DPYS: variants seen among roughly 807,000 people sequenced by gnomAD.
The protein encoded by DPYS is dihydropyrimidine amidohydrolase.
In DPYS, 39 loss-of-function variants were observed where a neutral mutation model predicts 50.3. The observed-to-expected ratio is 0.78, with a 90% CI of 0.60 to 1.01. The LOEUF is 1.01. Among genes scored for constraint, DPYS ranks in the 50% least tolerant of loss-of-function variants. The pLI is 0.00. For missense variants in DPYS, 659 were observed against 680.9 expected (o/e 0.97, Z 0.36); for synonymous variants, 245 against 250.7 (o/e 0.98, Z 0.22).
rs573126640 is a variant in DPYS at position 104,430,657 on chromosome 8, T to C, written c.794-956A>G. 2.6e-5 allele frequency among the ~76,000 whole-genome samples: 4 copies of C among 152,316 alleles called. No individual in the cohort carries two copies. In the South Asian group the frequency reaches 8.3e-4, roughly 32 times the overall value. ...AGATGGCCGCCAGTTGCCTGAGTCA[T>C]ATCAAATTGGAACACAGCACCCTAT... On this transcript the variant is annotated intron_variant, in intron 4 of 9. Transcript: ENST00000351513.
chr8:104,414,177 G>T (rs1812288774), intron 7 of DPYS, among the ~76,000 whole-genome samples: 2 of 152,140 alleles, frequency 1.3e-5, no homozygotes. Context: ...AGAAAGAAAA[G>T]GACTGTTTGG....
At chr8:104,383,453 G>C (rs938672229) in intron 8 of DPYS, among the ~76,000 whole-genome samples, 2 of 152,082 alleles carry the variant, frequency 1.3e-5, no homozygotes, top group African/African-American at 4.8e-5. Flanking sequence ...AATAGATATG[G>C]GTAGAAGGGA....
At chr8:104,396,116 A>C (rs959856781) in intron 7 of DPYS, among the ~76,000 whole-genome samples, 12 of 152,328 alleles carry the variant, frequency 7.9e-5, no homozygotes, top group African/African-American at 2.9e-4. Context: ...AACAATAGAG[A>C]GGGGCTTCAA....
Position 104,429,708 on chromosome 8 carries a change from A to G in DPYS, c.794-7T>C, listed in dbSNP as rs775585172. The G allele has an allele frequency of 1.9e-6, 3 of 1,614,116 alleles. No homozygotes were observed. Among genetic ancestry groups the G allele is most frequent in the Non-Finnish European group, 2.5e-6 (3 of 1,180,002 alleles). On this transcript the variant is annotated splice_region_variant and splice_polypyrimidine_tract_variant and intron_variant, in intron 4 of 9. Transcript: ENST00000351513. Reference sequence around the variant, plus strand: ...TCACCATAGACCACCTTCCCTGGAAAGATTAAAAGAAGCATTCATCACTTT... The same window carrying G: ...TCACCATAGACCACCTTCCCTGGAAGGATTAAAAGAAGCATTCATCACTTT...
chr8:104,457,537 A>T (rs1352139055), intron 1 of DPYS, among the ~76,000 whole-genome samples: 4 of 152,180 alleles, frequency 2.6e-5, no homozygotes, highest in African/African-American at 9.7e-5. Context: ...GGTGCCACCA[A>T]ATTCTTATTT....
intron 7 of DPYS, among the ~76,000 whole-genome samples, chr8:104,407,619 T>C (rs1024649591): frequency 3.3e-5 from 5 of 152,102 alleles, no homozygotes; most frequent in African/African-American, 1.2e-4. Flanking sequence ...TTTATTCTCA[T>C]AGGTAACAGA....
At chr8:104,383,500 T>G (rs1407213302) in intron 8 of DPYS, among the ~76,000 whole-genome samples, 1 of 152,262 alleles carries the variant, frequency 6.6e-6, no homozygotes, top group East Asian at 1.9e-4. Flanking sequence ...GCTTCCCATC[T>G]AAGCCTGCTT....
rs184168948 is a variant in DPYS at position 104,447,428 on chromosome 8, G to C, written c.499C>G (p.Leu167Val). ...SFKMFMAYKD[L>V]YMVTDLELYE... Reference sequence around the variant, plus strand: ...AGCTCCAGGTCTGTCACCATGTACAGATCTTTATAGGCCATAAACATCTTG... The same window carrying C: ...AGCTCCAGGTCTGTCACCATGTACACATCTTTATAGGCCATAAACATCTTG... The change falls in exon 3 of 10, where the codon CTG (leucine) becomes GTG (valine). Residue 167 changes from leucine to valine, a missense_variant. Leu to Val is a conservative substitution (Grantham distance 32). Transcript: ENST00000351513. 2.5e-6 allele frequency: 4 copies of C among 1,613,990 alleles called. No homozygotes were observed. The highest frequency in any genetic ancestry group is 8.5e-7 in the Non-Finnish European group (1 of 1,179,996).
At chr8:104,430,238 T>C (rs768825989) in intron 4 of DPYS, among the ~76,000 whole-genome samples, 2 of 151,956 alleles carry the variant, frequency 1.3e-5, no homozygotes, top group Non-Finnish European at 1.5e-5. Context: ...GCAAATCAAT[T>C]GATAATCTTT....
intron 8 of DPYS, among the ~76,000 whole-genome samples, chr8:104,383,657 A>C (rs574848260): frequency 6.6e-6 from 1 of 150,778 alleles, no homozygotes; most frequent in Non-Finnish European, 1.5e-5. Context: ...GCTGGAGCAC[A>C]GTGGCACAAT....
intron 3 of DPYS, 151 bp from the exon 4 acceptor site, chr8:104,444,588 A>G (rs1813468346): frequency 1.4e-6 from 1 of 708,058 alleles, no homozygotes; most frequent in African/African-American, 1.8e-5. Flanking sequence ...ATATGAACAT[A>G]TTTGTGTAAA....
rs555121706 is a variant in DPYS at position 104,409,395 on chromosome 8, C to T, written c.1235+14852G>A. Among the ~76,000 whole-genome samples the T allele has an allele frequency of 2.0e-5, 3 of 151,896 alleles. No individual in the cohort carries two copies. In the South Asian group the frequency reaches 6.3e-4, roughly 32 times the overall value. On this transcript the variant is annotated intron_variant, in intron 7 of 9. Transcript: ENST00000351513. ...AGCTACTCAGGAGGCTGAGGCAGGA[C>T]AATTGCTTGAACTAGGGAGGCAGAG... is the stretch of plus-strand genomic sequence containing the variant.
At chr8:104,423,005 T>C (rs1812597380) in intron 7 of DPYS, among the ~76,000 whole-genome samples, 1 of 152,244 alleles carries the variant, frequency 6.6e-6, no homozygotes, top group Non-Finnish European at 1.5e-5. Flanking sequence ...CTACATTTGG[T>C]TTTACTTGTC....
chr8:104,391,498 CG>C (rs1465947065), intron 8 of DPYS, among the ~76,000 whole-genome samples: 26 of 152,300 alleles, frequency 1.7e-4, no homozygotes, highest in African/African-American at 4.8e-4. Flanking sequence ...GTTGCCTCCC[CG>C]GCCCCCATAT....
intron 8 of DPYS, among the ~76,000 whole-genome samples, chr8:104,384,264 A>T (rs1177781233): frequency 2.6e-5 from 4 of 152,230 alleles, no homozygotes; most frequent in Non-Finnish European, 5.9e-5. Context: ...CAAGCCTCTC[A>T]GCCCTTTTAA....
chr8:104,390,263 G>T (rs938535660), intron 8 of DPYS, among the ~76,000 whole-genome samples: 33 of 139,996 alleles, frequency 2.4e-4, no homozygotes, highest in African/African-American at 9.5e-4. Flanking sequence ...TGCAGCAGCT[G>T]CCATCAGTGC....
In DPYS at chr8:104,392,960, C is replaced by T. The variant is rs776933209; in HGVS notation, c.1267G>A (p.Val423Ile). ...TISAKTHHQA[V>I]NFNIFEGMVC... Reference sequence around the variant, plus strand: ...ATGCCCTCGAAAATGTTGAAGTTAACAGCCTGATGATGAGTTTTTGCTGAG... The same window carrying T: ...ATGCCCTCGAAAATGTTGAAGTTAATAGCCTGATGATGAGTTTTTGCTGAG... The change falls in exon 8 of 10, where the codon GTT (valine) becomes ATT (isoleucine). Residue 423 changes from valine to isoleucine, a missense_variant. By Grantham distance (29) the Val-to-Ile change is conservative. Transcript: ENST00000351513. The T allele has an allele frequency of 2.8e-5, 46 of 1,614,046 alleles. No homozygotes were observed. The highest frequency in any genetic ancestry group is 3.7e-5 in the Non-Finnish European group (44 of 1,180,016).
At chr8:104,404,303 A>C (rs1462740158) in intron 7 of DPYS, among the ~76,000 whole-genome samples, 4 of 152,082 alleles carry the variant, frequency 2.6e-5, no homozygotes, top group South Asian at 4.2e-4. Flanking sequence ...GCTGTTTTGG[A>C]AGTGACCTGA....
chr8:104,409,091 C>T lies in DPYS; in HGVS notation c.1235+15156G>A, dbSNP rs148043708. Among the ~76,000 whole-genome samples the T allele has an allele frequency of 2.0e-3, 310 of 151,770 alleles. 1 individual carries two copies. The highest frequency in any genetic ancestry group is 5.6e-3 in the African/African-American group (231 of 41,422). ...GATTACAGGTGTGAGCCACTGTGCC[C>T]GGCCACACATGTTTAATGGCACTGT... On this transcript the variant is annotated intron_variant, in intron 7 of 9. Coordinates refer to ENST00000351513, the MANE Select transcript of DPYS (RefSeq NM_001385.3).
Sources: gnomAD v4.1 joint callset for allele counts (sites outside exome capture counted in the v4.1 genomes callset) on GRCh38, gnomAD v4.1.1 for gene constraint, MANE v1.5 for transcripts, NCBI Gene and HGNC (gene_info 2026-07-23, HGNC 2026-07-21) for gene names.